BRD1: variants seen among roughly 807,000 people sequenced by gnomAD.
BRD1 encodes bromodomain-containing protein 1.
A neutral mutation model predicts 107.7 loss-of-function variants in BRD1; 24 were observed. The ratio of observed to expected loss-of-function variants is 0.22; its 90% CI spans 0.16 to 0.31. The LOEUF is 0.31. Among genes scored for constraint, BRD1 ranks in the 10% least tolerant of loss-of-function variants. The probability of loss-of-function intolerance (pLI) is 1.00; values close to 1 mark genes in which losing one functional copy is unlikely to be tolerated. For synonymous variants in BRD1, 744 were observed against 686.1 expected, an observed-to-expected ratio of 1.08 and a Z score of -1.32; for missense variants, 1,279 against 1,638.6, an observed-to-expected ratio of 0.78 and a Z score of 3.79.
rs765068401 is a variant in BRD1 at position 49,775,733 on chromosome 22, T to G, written c.3244A>C (p.Lys1082Gln). Residue 1082 changes from lysine to glutamine, a missense_variant, in exon 12 of 13, where the codon AAG becomes CAG. Around this residue, in one of 7 missense-constraint regions of BRD1, gnomAD observed 136 missense variants for 196.8 expected, o/e 0.69. Coordinates refer to ENST00000404760, the MANE Select transcript of BRD1 (RefSeq NM_001304808.3). The stretch of plus-strand genomic sequence containing the variant: ...TGGTGGCCAGGCACACGGGGCATCT[T>G]GGGGTCGATGATCTGCACGAGAAGG... Reference protein sequence around the residue: ...PSYPALIIDPKMPRVPGHHNG... With the variant: ...PSYPALIIDPQMPRVPGHHNG... 1 of 1,610,636 alleles carries G rather than the reference T, an allele frequency of 6.2e-7. No individual in the cohort carries two copies.
intron 8 of BRD1, among the ~76,000 whole-genome samples, chr22:49,784,413 A>G (rs1174954851): frequency 6.6e-6 from 1 of 152,150 alleles, no homozygotes; most frequent in Non-Finnish European, 1.5e-5. Flanking sequence ...GTGACGGTTC[A>G]CTGCTGGTGA....
At chr22:49,801,336 G>A (rs1601680984) in intron 3 of BRD1, among the ~76,000 whole-genome samples, 3 of 152,314 alleles carry the variant, frequency 2.0e-5, no homozygotes, top group Admixed American at 1.3e-4. Context: ...ACCCGCCATC[G>A]CTGCAGCACC....
chr22:49,778,334 T>C (rs894460007), intron 8 of BRD1, among the ~76,000 whole-genome samples: 29 of 152,208 alleles, frequency 1.9e-4, no homozygotes, highest in African/African-American at 6.8e-4. Context: ...AAGACAAGTG[T>C]TAACATGAAG....
rs182914539 is a variant in BRD1, at chr22:49,786,388, C to A, written c.2857+1002G>T. On this transcript the variant is annotated intron_variant, in intron 8 of 12. Coordinates refer to ENST00000404760, the MANE Select transcript of BRD1 (RefSeq NM_001304808.3). ...GGGAGCAGAGGCTGCAGGAACACAG[C>A]GGCCTCCTCAAAGTGCTCCCAGCAC... Among the ~76,000 whole-genome samples the A allele has an allele frequency of 3.5e-4, 53 of 152,332 alleles. 1 individual carries two copies. The East Asian group carries it at 9.4e-3, about 27-fold the overall frequency.
chr22:49,778,015 T>C (rs1389724062), intron 8 of BRD1, among the ~76,000 whole-genome samples: 1 of 152,254 alleles, frequency 6.6e-6, no homozygotes, highest in Non-Finnish European at 1.5e-5. Flanking sequence ...TGAAATCAAC[T>C]TAACAAACTG....
At chr22:49,776,390 G>A (rs747595462) in intron 10 of BRD1, among the ~76,000 whole-genome samples, 1 of 152,158 alleles carries the variant, frequency 6.6e-6, no homozygotes, top group Non-Finnish European at 1.5e-5. Flanking sequence ...ACCCAGGGAA[G>A]CTCCTGCCCT....
chr22:49,824,580 C>A lies in BRD1; in HGVS notation c.-14-249G>T, dbSNP rs919995958. 7.5e-7 allele frequency: 1 copy of A among 1,327,436 alleles called. No homozygotes were observed. The allele number at this position is 1,327,436 out of a possible 1,614,324, so 82.2% of individuals were successfully genotyped here. A position where few individuals can be genotyped will look rare whatever the true frequency, so the allele number is the denominator to read the frequency against. On this transcript the variant is annotated intron_variant, in intron 1 of 12. Coordinates refer to ENST00000404760, the MANE Select transcript of BRD1 (RefSeq NM_001304808.3). This position sits in a 1 kb window ranked among gnomAD's most constrained non-coding sequence, Gnocchi z 5.9. ...AGGAGCCCTCCTGAGCACCTGCGTC[C>A]CTACCACCACACACCAGTCCCCTCT...
chr22:49,820,001 G>C (rs916092347), intron 2 of BRD1, among the ~76,000 whole-genome samples: 3 of 151,692 alleles, frequency 2.0e-5, no homozygotes, highest in Admixed American at 6.6e-5. Context: ...GTGGTGGCAG[G>C]TGCCTGTAAT....
Position 49,798,543 on chromosome 22 carries a change from G to A in BRD1, c.1785+15C>T, listed in dbSNP as rs758534943. Reference sequence around the variant, plus strand: ...CACACATGCGGCAGGACAGACGAGCGCCGCAAACACCCACCTCCTTCAGAC... The same window carrying A: ...CACACATGCGGCAGGACAGACGAGCACCGCAAACACCCACCTCCTTCAGAC... On this transcript the variant is annotated intron_variant, in intron 5 of 12. Coordinates refer to ENST00000404760, the MANE Select transcript of BRD1 (RefSeq NM_001304808.3). 25 of 1,613,940 alleles carry A rather than the reference G, an allele frequency of 1.5e-5. No individual in the cohort carries two copies. The highest frequency in any genetic ancestry group is 4.0e-5 in the African/African-American group (3 of 74,918).
intron 2 of BRD1, among the ~76,000 whole-genome samples, chr22:49,808,132 CA>C (rs2059779615): frequency 1.3e-5 from 2 of 152,194 alleles, no homozygotes; most frequent in African/African-American, 4.8e-5. Context: ...TGTGGCTCCT[CA>C]AACACTTAAA....
At chr22:49,822,929 C>G in intron 2 of BRD1, 22 bp downstream of exon 2, 4 of 1,609,914 alleles carry the variant, frequency 2.5e-6, no homozygotes, top group Non-Finnish European at 3.4e-6. Flanking sequence ...TCCTTGTGGA[C>G]TCAATGCTTG....
chr22:49,774,386 G>A lies in BRD1; in HGVS notation c.3417C>T (p.Pro1139=), dbSNP rs1483560779. 6.2e-7 allele frequency: 1 copy of A among 1,612,144 alleles called. No homozygotes were observed. ...WQWLPKSKMV[P]LGIDETIDKL... Reference sequence around the variant, plus strand: ...TGTCTATAGTTTCGTCAATACCAAGGGGAACCATTTTGGACTTAGGAAGCC... The same window carrying A: ...TGTCTATAGTTTCGTCAATACCAAGAGGAACCATTTTGGACTTAGGAAGCC... Residue 1139 remains proline, a synonymous_variant, in exon 13 of 13, where the codon CCC becomes CCT. Coordinates refer to ENST00000404760, the MANE Select transcript of BRD1 (RefSeq NM_001304808.3).
Position 49,819,037 on chromosome 22 carries a change from C to T in BRD1, c.1367+3914G>A, listed in dbSNP as rs533130474. Among the ~76,000 whole-genome samples, 19 of 147,000 alleles carry T rather than the reference C, an allele frequency of 1.3e-4. No homozygotes were observed. In the South Asian group the frequency reaches 3.7e-3, roughly 29 times the overall value. On this transcript the variant is annotated intron_variant, in intron 2 of 12. Coordinates refer to ENST00000404760, the MANE Select transcript of BRD1 (RefSeq NM_001304808.3). ...CTCTGGGAGGCCAAGGCAGGCAGATCACCTGAAGTCACGAGTTTGAGACCA... is the reference window on the plus strand; with the variant it reads ...CTCTGGGAGGCCAAGGCAGGCAGATTACCTGAAGTCACGAGTTTGAGACCA...
rs780837839 is a variant in BRD1 at position 49,777,108 on chromosome 22, G to A, written c.3047C>T (p.Thr1016Met). 2.4e-5 allele frequency: 38 copies of A among 1,613,252 alleles called. No individual in the cohort carries two copies. The highest frequency in any genetic ancestry group is 6.7e-5 in the East Asian group (3 of 44,896). The stretch of plus-strand genomic sequence containing the variant: ...GATCAGCTCACTGCGGTCCTCCAGC[G>A]TGTGCCGTCGCACAAGAGCCGGTTT... ...RGKPALVRRH[T>M]LEDRSELISC... is the part of the protein sequence containing the mutation. The change falls in exon 10 of 13, where the codon ACG becomes ATG. Residue 1016 changes from threonine to methionine, a missense_variant. Physicochemically the swap from Thr to Met is moderately conservative, Grantham distance 81. Transcript: ENST00000404760.
rs1266573761 is a variant in BRD1, at chr22:49,774,035, C to T, written c.*198G>A. 4.9e-5 allele frequency: 31 copies of T among 630,420 alleles called. No individual in the cohort carries two copies. Among genetic ancestry groups the T allele is most frequent in the Admixed American group, 2.4e-4 (7 of 29,338 alleles). 39.1% of individuals were successfully genotyped at this position (630,420 alleles called of 1,614,324 possible). ...CGTGCGACAGACGCACTGGGCTGCC[C>T]GGACGTGCCCACCCCACTCACAGCG... is the stretch of plus-strand genomic sequence containing the variant. On this transcript the variant is annotated 3_prime_UTR_variant, in exon 13 of 13. Transcript: ENST00000404760.
At chr22:49,798,809 C>T (rs977460287) in intron 4 of BRD1, 123 bp from the exon 5 acceptor site, 30 of 1,440,034 alleles carry the variant, frequency 2.1e-5, no homozygotes, top group East Asian at 5.0e-5. Flanking sequence ...CATAGGACAA[C>T]GCAGCCTCCA....
chr22:49,825,742 G>A (rs1345385263), intron 1 of BRD1: 1 of 152,182 alleles, frequency 6.6e-6, no homozygotes, highest in Admixed American at 6.5e-5. Flanking sequence ...TGATCTATTG[G>A]GCCTGAGAAA....
Position 49,776,059 on chromosome 22 carries a change from G to T in BRD1, c.3222C>A (p.Tyr1074Ter). The change falls in exon 11 of 13, where the codon TAC becomes TAA. Residue 1074 changes from tyrosine to a stop codon, truncating the protein, a stop_gained. Coordinates refer to ENST00000404760, the MANE Select transcript of BRD1 (RefSeq NM_001304808.3). LOFTEE classifies it high-confidence loss of function. ...VWAKCSGYPSYPALIIDPKMP... is the reference protein window; with the variant it reads ...VWAKCSGYPS ...CGAGAGCCGTACTCACCAGTGCCGG[G>T]TAGGAGGGGTAGCCGCTGCACTTGG... The T allele has an allele frequency of 1.3e-6, 2 of 1,574,336 alleles. No individual in the cohort carries two copies.
chr22:49,811,474 A>G (rs2059847709), intron 2 of BRD1, among the ~76,000 whole-genome samples: 1 of 152,144 alleles, frequency 6.6e-6, no homozygotes, highest in Non-Finnish European at 1.5e-5. Context: ...GAAACTTGGA[A>G]CAGGACCGAG....
Sources: gnomAD v4.1 joint callset for allele counts (sites outside exome capture counted in the v4.1 genomes callset) on GRCh38, gnomAD v4.1.1 for gene constraint, gnomAD v4.1.1 regional missense constraint, Gnocchi (gnomAD v3.1) non-coding constraint, MANE v1.5 for transcripts, NCBI Gene and HGNC (gene_info 2026-07-23, HGNC 2026-07-21) for gene names.